ITGB1BP1: variants seen among roughly 807,000 people sequenced by gnomAD.
ITGB1BP1 encodes the protein integrin subunit beta 1 binding protein 1, also known as integrin beta-1-binding protein 1.
Under a neutral mutation model 28.0 loss-of-function variants are expected in ITGB1BP1, and 20 were observed. That is an observed-to-expected ratio of 0.71 (90% CI 0.50 to 1.04). The LOEUF (loss-of-function observed/expected upper bound fraction) is 1.04. Among genes scored for constraint, ITGB1BP1 ranks in the 50% least tolerant of loss-of-function variants. ITGB1BP1 has a pLI of 0.00. For synonymous variants in ITGB1BP1, 103 were observed against 89.5 expected (o/e 1.15, Z -0.85); for missense variants, 228 against 242.5 (o/e 0.94, Z 0.40).
intron 3 of ITGB1BP1, among the ~76,000 whole-genome samples, chr2:9,413,012 C>T (rs1411421821): frequency 2.0e-5 from 3 of 152,188 alleles, no homozygotes; most frequent in Admixed American, 6.5e-5. Context: ...GTAACAGCAA[C>T]GGTTGAAGAG....
Position 9,405,430 on chromosome 2 carries a change from G to C in ITGB1BP1, c.*1404C>G, listed in dbSNP as rs1048035808. 5.2e-5 allele frequency: 8 copies of C among 152,598 alleles called. No individual in the cohort carries two copies. Among genetic ancestry groups the C allele is most frequent in the Non-Finnish European group, 8.8e-5 (6 of 68,042 alleles). The allele number at this position is 152,598 out of a possible 1,614,324, so 9.5% of individuals were successfully genotyped here. On this transcript the variant is annotated 3_prime_UTR_variant, in exon 7 of 7. Transcript: ENST00000355346. ...CTCAGAACATGTACACAGACTAAGA[G>C]TAACTGTGTGATCTGTTAAGGGGTG...
At chr2:9,408,226 C>G in intron 4 of ITGB1BP1, 21 bp from the exon 5 acceptor site, 1 of 1,398,976 alleles carries the variant, frequency 7.1e-7, no homozygotes, top group Non-Finnish European at 1.0e-6. Context: ...AAAATAAATT[C>G]CATGATAAAG....
intron 1 of ITGB1BP1, among the ~76,000 whole-genome samples, chr2:9,422,042 ATCCTCACCC>A (rs1679942694): frequency 6.6e-6 from 1 of 152,174 alleles, no homozygotes; most frequent in Non-Finnish European, 1.5e-5. Context: ...AATGTGATGG[ATCCTCACCC>A]TATAAAAATG....
At chr2:9,411,843 G>C (rs184891020) in intron 4 of ITGB1BP1, among the ~76,000 whole-genome samples, 3 of 152,074 alleles carry the variant, frequency 2.0e-5, no homozygotes, top group Non-Finnish European at 2.9e-5. Flanking sequence ...GGGAGTTCAA[G>C]ACCAGCCTGA....
intron 1 of ITGB1BP1, among the ~76,000 whole-genome samples, chr2:9,421,340 A>G (rs1021525152): frequency 1.2e-4 from 19 of 152,184 alleles, no homozygotes; most frequent in African/African-American, 4.6e-4. Context: ...AGCAGCATTT[A>G]TTAAAGTCTT....
At chr2:9,422,638 AC>A in intron 1 of ITGB1BP1, 1 of 985,384 alleles carries the variant, frequency 1.0e-6, no homozygotes, top group Non-Finnish European at 1.2e-6. Context: ...GAGCTCGGTG[AC>A]TCCTCTGCAT....
intron 1 of ITGB1BP1, 63 bp downstream of exon 1, chr2:9,423,310 G>A (rs372897722): frequency 8.2e-7 from 1 of 1,224,660 alleles, no homozygotes; most frequent in East Asian, 9.2e-5. Flanking sequence ...CCGCTCTCGG[G>A]ACCGTGTTCC....
chr2:9,407,198 A>G, intron 6 of ITGB1BP1: 3 of 604,032 alleles, frequency 5.0e-6, no homozygotes, highest in East Asian at 5.5e-5. Flanking sequence ...TGGAGGATAC[A>G]TTTTTCCTCA....
chr2:9,408,232 T>TAAAG, intron 4 of ITGB1BP1, 27 bp from the exon 5 acceptor site: 1 of 1,353,522 alleles, frequency 7.4e-7, no homozygotes, highest in Non-Finnish European at 1.1e-6. Flanking sequence ...AATTCCATGA[T>TAAAG]AAAGATTAAA....
chr2:9,413,390 G>A (rs1678714790), intron 3 of ITGB1BP1, among the ~76,000 whole-genome samples: 1 of 151,878 alleles, frequency 6.6e-6, no homozygotes, highest in South Asian at 2.1e-4. Context: ...GTGCAGTGGT[G>A]CGATTCTCAG....
intron 1 of ITGB1BP1, among the ~76,000 whole-genome samples, chr2:9,421,705 T>G (rs1215029432): frequency 1.4e-5 from 2 of 146,754 alleles, no homozygotes; most frequent in South Asian, 2.1e-4. Context: ...AAAAAAAAAA[T>G]TATTCATGCA....
intron 4 of ITGB1BP1, chr2:9,408,463 T>G: frequency 3.0e-6 from 1 of 332,346 alleles, no homozygotes; most frequent in Non-Finnish European, 5.6e-6. Flanking sequence ...TCTCAGCTCG[T>G]TGCAACGTCT....
intron 4 of ITGB1BP1, among the ~76,000 whole-genome samples, chr2:9,410,338 C>T (rs1429461573): frequency 6.6e-6 from 1 of 152,054 alleles, no homozygotes; most frequent in East Asian, 1.9e-4. Flanking sequence ...CTCAAGGAAT[C>T]CCCCTGCCTT....
In ITGB1BP1 at chr2:9,405,186, T is replaced by C. The variant is rs1677111871; in HGVS notation, c.*1648A>G. On this transcript the variant is annotated 3_prime_UTR_variant, in exon 7 of 7. Coordinates refer to ENST00000355346, the MANE Select transcript of ITGB1BP1 (RefSeq NM_004763.5). ...TTTCCAGTCTACAATTTGGTGCTAT[T>C]GTGCAGTAACTAATAGTACTCTTAC... is the stretch of plus-strand genomic sequence containing the variant. The C allele has an allele frequency of 6.6e-6, 1 of 152,250 alleles. No individual in the cohort carries two copies. The highest frequency in any genetic ancestry group is 2.1e-4 in the South Asian group (1 of 4,834). The allele number at this position is 152,250 out of a possible 1,614,324, so 9.4% of individuals were successfully genotyped here. A position where few individuals can be genotyped will look rare whatever the true frequency, so the allele number is the denominator to read the frequency against.
At position 9,414,125 on chromosome 2, in the gene ITGB1BP1, C is replaced by T. The variant is rs1340849918; in HGVS notation, c.151+53G>A. On this transcript the variant is annotated intron_variant, in intron 3 of 6. Transcript: ENST00000355346. ...TCATTGTGCTACCCCAGTAAAACCACGTGAACATCAATGAAAAGCGCAGAC... is the reference window on the plus strand; with the variant it reads ...TCATTGTGCTACCCCAGTAAAACCATGTGAACATCAATGAAAAGCGCAGAC... The T allele has an allele frequency of 1.4e-5, 21 of 1,450,468 alleles. No homozygotes were observed. The South Asian group carries it at 1.6e-4, about 11-fold the overall frequency. 89.8% of individuals were successfully genotyped at this position (1,450,468 alleles called of 1,614,324 possible).
rs1677155254 is a variant in ITGB1BP1 at position 9,405,563 on chromosome 2, T to C, written c.*1271A>G. On this transcript the variant is annotated 3_prime_UTR_variant, in exon 7 of 7. Transcript: ENST00000355346. The stretch of plus-strand genomic sequence containing the variant: ...AACTGTATATATTGTATAACCGAAA[T>C]TGATTATTTTCATTGTCCTTAATGC... 6.6e-6 allele frequency: 1 copy of C among 152,598 alleles called. No individual in the cohort carries two copies. The highest frequency in any genetic ancestry group is 1.5e-5 in the Non-Finnish European group (1 of 68,016). The allele number at this position is 152,598 out of a possible 1,614,324, so 9.5% of individuals were successfully genotyped here.
intron 4 of ITGB1BP1, 67 bp from the exon 5 acceptor site, chr2:9,408,272 C>A: frequency 1.0e-6 from 1 of 979,568 alleles, no homozygotes; most frequent in South Asian, 1.3e-5. Flanking sequence ...TCTGACTAGT[C>A]ACTTTGAGTA....
intron 5 of ITGB1BP1, chr2:9,407,873 C>T (rs1376940226): frequency 9.1e-6 from 5 of 550,004 alleles, no homozygotes; most frequent in African/African-American, 5.8e-5. Flanking sequence ...AAAATGCATT[C>T]GGAGCCATCT....
intron 6 of ITGB1BP1, chr2:9,407,222 C>T (rs1340377056): frequency 8.2e-6 from 5 of 611,124 alleles, no homozygotes; most frequent in Non-Finnish European, 1.2e-5. Flanking sequence ...GCTTTGTTTA[C>T]CTTTTAAATC....
Sources: gnomAD v4.1 joint callset for allele counts (sites outside exome capture counted in the v4.1 genomes callset) on GRCh38, gnomAD v4.1.1 for gene constraint, MANE v1.5 for transcripts, NCBI Gene and HGNC (gene_info 2026-07-23, HGNC 2026-07-21) for gene names.